GALNT17: variants seen among roughly 807,000 people sequenced by gnomAD.
The protein encoded by GALNT17 is polypeptide N-acetylgalactosaminyltransferase 17, also known as UDP-GalNAc:polypeptide N-acetylgalactosaminyltransferase-like 3.
GALNT17 carries 29 observed loss-of-function variants against 63.7 expected under a neutral mutation model. That is an observed-to-expected ratio of 0.46 (90% confidence interval 0.34 to 0.62). The LOEUF is 0.62. Among genes scored for constraint, GALNT17 ranks in the 20% least tolerant of loss-of-function variants. The pLI is 0.01. For missense variants in GALNT17, 603 were observed against 799.6 expected (o/e 0.75, Z 2.97); for synonymous variants, 305 against 318.3 (o/e 0.96, Z 0.45).
chr7:71,193,046 G>A (rs1191342086), intron 1 of GALNT17, among the ~76,000 whole-genome samples: 1 of 150,418 alleles, frequency 6.6e-6, no homozygotes, highest in African/African-American at 2.4e-5. Flanking sequence ...AATGCATCTT[G>A]GTCTTTAACC....
At position 71,390,981 on chromosome 7, in the gene GALNT17, G is replaced by A. The variant is rs551306386; in HGVS notation, c.589+2580G>A. On this transcript the variant is annotated intron_variant, in intron 3 of 10. Coordinates refer to ENST00000333538, the MANE Select transcript of GALNT17 (RefSeq NM_022479.3). ...ATTTATACACCTTTAGGATAATGAG[G>A]CCCCGGTTCTGTGCTATCTTAGCAC... 3.3e-5 allele frequency among the ~76,000 whole-genome samples: 5 copies of A among 152,320 alleles called. No individual in the cohort carries two copies. The East Asian group carries it at 7.7e-4, about 23-fold the overall frequency.
chr7:71,633,103 CAA>C lies in GALNT17; in HGVS notation c.1081-32287_1081-32286del, dbSNP rs71089970. The stretch of plus-strand genomic sequence containing the variant: ...TGGGCGACAGAGTGAGACTCTGTCT[CAA>C]AAAAAAAAAAAAAAAAAAAAGAAGG... On this transcript the variant is annotated intron_variant, in intron 6 of 10. Transcript: ENST00000333538. 1.6e-3 allele frequency among the ~76,000 whole-genome samples: 114 copies of C among 72,354 alleles called. 1 individual carries two copies. Among genetic ancestry groups the C allele is most frequent in the South Asian group, 0.013 (25 of 1,868 alleles). 47.5% of individuals were successfully genotyped at this position (72,354 alleles called of 152,430 possible). A position where few individuals can be genotyped will look rare whatever the true frequency, so the allele number is the denominator to read the frequency against.
chr7:71,168,312 G>A (rs1009834455), intron 1 of GALNT17, among the ~76,000 whole-genome samples: 5 of 152,144 alleles, frequency 3.3e-5, no homozygotes, highest in Non-Finnish European at 7.3e-5. Context: ...GGTGGCTCAT[G>A]CCTGTAATCC....
chr7:71,515,235 A>G (rs975239594), intron 5 of GALNT17, among the ~76,000 whole-genome samples: 1 of 152,202 alleles, frequency 6.6e-6, no homozygotes, highest in Non-Finnish European at 1.5e-5. Flanking sequence ...GAAATGCCTT[A>G]GGAGCTGGGG....
At chr7:71,415,361 C>A (rs561174159) in intron 3 of GALNT17, among the ~76,000 whole-genome samples, 1 of 152,174 alleles carries the variant, frequency 6.6e-6, no homozygotes, top group Non-Finnish European at 1.5e-5. Context: ...ATAAAATTAG[C>A]TCATAGAAAT....
chr7:71,373,931 C>T (rs1792674503), intron 2 of GALNT17, among the ~76,000 whole-genome samples: 2 of 152,146 alleles, frequency 1.3e-5, no homozygotes, highest in Admixed American at 6.6e-5. Flanking sequence ...CTCTGGGTTT[C>T]CTTATACCCT....
intron 5 of GALNT17, among the ~76,000 whole-genome samples, chr7:71,546,200 A>G (rs961255983): frequency 2.7e-5 from 4 of 147,520 alleles, no homozygotes; most frequent in African/African-American, 9.9e-5. Flanking sequence ...TCACCCTGTC[A>G]CCTAGGCTGA....
In GALNT17 at chr7:71,643,311, T is replaced by C. The variant is rs866789243; in HGVS notation, c.1081-22100T>C. 2.0e-5 allele frequency among the ~76,000 whole-genome samples: 3 copies of C among 151,928 alleles called. No homozygotes were observed. The South Asian group carries it at 6.2e-4, about 32-fold the overall frequency. ...GGGGAAACCCTGTCTCTACTAAAAATACAAAACTTAGGTGGGCGTGGTGGC... is the reference window on the plus strand; with the variant it reads ...GGGGAAACCCTGTCTCTACTAAAAACACAAAACTTAGGTGGGCGTGGTGGC... On this transcript the variant is annotated intron_variant, in intron 6 of 10. Coordinates refer to ENST00000333538, the MANE Select transcript of GALNT17 (RefSeq NM_022479.3).
At chr7:71,193,525 G>A (rs537048684) in intron 1 of GALNT17, among the ~76,000 whole-genome samples, 2 of 149,642 alleles carry the variant, frequency 1.3e-5, no homozygotes, top group East Asian at 3.9e-4. Context: ...AGAGCTGGGA[G>A]AAGGTGTCAG....
chr7:71,575,600 G>A (rs577553406), intron 6 of GALNT17, among the ~76,000 whole-genome samples: 5 of 152,152 alleles, frequency 3.3e-5, no homozygotes, highest in African/African-American at 1.2e-4. Context: ...GTGTTAGCCA[G>A]GATGGTCTCG....
intron 1 of GALNT17, among the ~76,000 whole-genome samples, chr7:71,218,634 G>A (rs1021543831): frequency 2.6e-4 from 39 of 152,146 alleles, no homozygotes; most frequent in African/African-American, 8.2e-4. Context: ...GGTGGCAAGC[G>A]ATCGAAGCTT....
At chr7:71,675,822 G>A (rs1157769319) in intron 8 of GALNT17, among the ~76,000 whole-genome samples, 1 of 151,980 alleles carries the variant, frequency 6.6e-6, no homozygotes, top group Non-Finnish European at 1.5e-5. Context: ...CGCCATCTCT[G>A]CTAAAAATAC....
At chr7:71,625,085 C>G (rs566170384) in intron 6 of GALNT17, among the ~76,000 whole-genome samples, 2 of 152,194 alleles carry the variant, frequency 1.3e-5, no homozygotes, top group Non-Finnish European at 2.9e-5. Flanking sequence ...TTGAAAACCA[C>G]AGCTGAAGAA....
chr7:71,290,490 A>G (rs1790960328), intron 1 of GALNT17, among the ~76,000 whole-genome samples: 1 of 152,082 alleles, frequency 6.6e-6, no homozygotes, highest in Non-Finnish European at 1.5e-5. Flanking sequence ...GGGAGGGAGA[A>G]TAGATGGCCC....
chr7:71,391,542 G>A (rs1231765283), intron 3 of GALNT17, among the ~76,000 whole-genome samples: 1 of 152,166 alleles, frequency 6.6e-6, no homozygotes, highest in African/African-American at 2.4e-5. Context: ...GAGTGCGGTG[G>A]TGCGATCACA....
At chr7:71,404,435 ATC>A (rs1389731888) in intron 3 of GALNT17, among the ~76,000 whole-genome samples, 10 of 152,110 alleles carry the variant, frequency 6.6e-5, no homozygotes, top group African/African-American at 2.4e-4. Flanking sequence ...TCCCTCTTTA[ATC>A]TCTCTCATTC....
chr7:71,260,503 A>G (rs1790366234), intron 1 of GALNT17, among the ~76,000 whole-genome samples: 1 of 152,092 alleles, frequency 6.6e-6, no homozygotes, highest in Non-Finnish European at 1.5e-5. Context: ...TAGGGGACTC[A>G]TTCTCCTAGA....
At chr7:71,582,455 G>A (rs988524657) in intron 6 of GALNT17, among the ~76,000 whole-genome samples, 5 of 151,366 alleles carry the variant, frequency 3.3e-5, no homozygotes, top group Non-Finnish European at 5.9e-5. Context: ...GGTGACATGC[G>A]CCTTAGACCC....
intron 5 of GALNT17, among the ~76,000 whole-genome samples, chr7:71,496,485 A>G (rs1393172110): frequency 6.6e-6 from 1 of 152,112 alleles, no homozygotes; most frequent in Non-Finnish European, 1.5e-5. Context: ...AGGAAGTCAA[A>G]ATGAGGACAG....
Sources: gnomAD v4.1 joint callset for allele counts (sites outside exome capture counted in the v4.1 genomes callset) on GRCh38, gnomAD v4.1.1 for gene constraint, MANE v1.5 for transcripts, NCBI Gene and HGNC (gene_info 2026-07-23, HGNC 2026-07-21) for gene names.